Variants in NUDC observed in about 807,000 individuals in gnomAD.
The protein encoded by NUDC is nuclear migration protein nudC.
A neutral mutation model predicts 45.0 loss-of-function variants in NUDC; 14 were observed. That is an observed-to-expected ratio of 0.31 (90% CI 0.21 to 0.49). NUDC has a LOEUF of 0.49. Ranked by LOEUF, NUDC falls within the 20% of genes least tolerant of loss-of-function variation. NUDC has a pLI of 0.99. For synonymous variants in NUDC, 153 were observed against 156.7 expected, an observed-to-expected ratio of 0.98 and a Z score of 0.17; for missense variants, 323 against 426.2, an observed-to-expected ratio of 0.76 and a Z score of 2.13.
At chr1:26,917,466 G>A (rs2082067636), upstream of NUDC, among the ~76,000 whole-genome samples, 1 of 152,122 alleles carries the variant, frequency 6.6e-6, no homozygotes, top group East Asian at 1.9e-4. Context: ...GGAGGCTGAG[G>A]TAGGAGAATC....
intron 2 of NUDC, among the ~76,000 whole-genome samples, chr1:26,936,166 T>TATATATATATATG (rs1491359477): frequency 5.4e-4 from 1 of 1,838 alleles, no homozygotes; most frequent in African/African-American, 1.8e-3. Context: ...TATATATATA[T>TATATATATATATG]TTTTTTTTTT....
At chr1:26,932,381 A>G (rs779889158) in intron 2 of NUDC, among the ~76,000 whole-genome samples, 3 of 151,888 alleles carry the variant, frequency 2.0e-5, no homozygotes, top group Non-Finnish European at 4.4e-5. Flanking sequence ...AAGTTTCACC[A>G]TGTCAGTCAA....
intron 2 of NUDC, among the ~76,000 whole-genome samples, chr1:26,928,377 G>A (rs1347046086): frequency 1.3e-5 from 2 of 152,106 alleles, no homozygotes; most frequent in Non-Finnish European, 2.9e-5. Context: ...TTAGAAAACT[G>A]GAAGCTATAA....
chr1:26,933,075 A>G (rs2082196605), intron 2 of NUDC, among the ~76,000 whole-genome samples: 1 of 151,752 alleles, frequency 6.6e-6, no homozygotes, highest in African/African-American at 2.4e-5. Context: ...ACCTGGGACT[A>G]CAGGCACACG....
chr1:26,930,914 G>A lies in NUDC; in HGVS notation c.159+6748G>A, dbSNP rs568713052. ...GCCTGTAATCCCAGCTACTCGAGAAGCTGAGGTGGGAGAATTGCTTGAACC... is the reference window on the plus strand; with the variant it reads ...GCCTGTAATCCCAGCTACTCGAGAAACTGAGGTGGGAGAATTGCTTGAACC... On this transcript the variant is annotated intron_variant, in intron 2 of 8. Transcript: ENST00000321265. 2.6e-5 allele frequency among the ~76,000 whole-genome samples: 4 copies of A among 151,828 alleles called. No individual in the cohort carries two copies. The East Asian group carries it at 7.9e-4, about 30-fold the overall frequency.
intron 2 of NUDC, among the ~76,000 whole-genome samples, chr1:26,927,428 T>G (rs1230526405): frequency 1.3e-5 from 2 of 150,678 alleles, no homozygotes; most frequent in Admixed American, 6.6e-5. Context: ...GACGGAGTCT[T>G]GCTCTATGAC....
At chr1:26,936,898 G>A (rs926914550) in intron 2 of NUDC, among the ~76,000 whole-genome samples, 4 of 151,656 alleles carry the variant, frequency 2.6e-5, no homozygotes, top group African/African-American at 4.8e-5. Flanking sequence ...AATTCTGACC[G>A]TAACTACCCA....
Position 26,934,702 on chromosome 1 carries a change from C to T in NUDC, c.160-6755C>T, listed in dbSNP as rs367833599. 2.2e-4 allele frequency among the ~76,000 whole-genome samples: 33 copies of T among 151,670 alleles called. No homozygotes were observed. In the East Asian group the frequency reaches 5.6e-3, roughly 26 times the overall value. ...TGAGATGGAGTCTCGCTCTGTCGCCCGGGCTGGAGTGCAGTGGTGCAATCT... is the reference window on the plus strand; with the variant it reads ...TGAGATGGAGTCTCGCTCTGTCGCCTGGGCTGGAGTGCAGTGGTGCAATCT... On this transcript the variant is annotated intron_variant, in intron 2 of 8. Coordinates refer to ENST00000321265, the MANE Select transcript of NUDC (RefSeq NM_006600.4).
At chr1:26,940,532 G>C (rs2082268008) in intron 2 of NUDC, among the ~76,000 whole-genome samples, 1 of 152,034 alleles carries the variant, frequency 6.6e-6, no homozygotes, top group African/African-American at 2.4e-5. Flanking sequence ...TGTCCTTTTT[G>C]GGTGTGGTGT....
intron 4 of NUDC, 43 bp from the exon 5 acceptor site, chr1:26,942,617 T>C: frequency 1.2e-6 from 2 of 1,612,976 alleles, no homozygotes; most frequent in Non-Finnish European, 1.7e-6. Context: ...AATCTGTGTC[T>C]TGTCTGTCAA....
At chr1:26,936,134 A>AACATATATATATATATATATATATAT (rs1553163907) in intron 2 of NUDC, among the ~76,000 whole-genome samples, 8 of 6,812 alleles carry the variant, frequency 1.2e-3, no homozygotes, top group Non-Finnish European at 2.0e-3. Flanking sequence ...ACGCCCGGCT[A>AACATATATATATATATATATATATAT]ATATATATAT....
intron 2 of NUDC, among the ~76,000 whole-genome samples, chr1:26,932,655 G>C (rs2082193243): frequency 6.6e-6 from 1 of 152,068 alleles, no homozygotes; most frequent in Non-Finnish European, 1.5e-5. Context: ...CAGTTCAGTA[G>C]TGTTAAGTGA....
intron 4 of NUDC, 138 bp downstream of exon 4, chr1:26,941,956 T>C: frequency 3.5e-6 from 3 of 855,096 alleles, no homozygotes; most frequent in Non-Finnish European, 5.8e-6. Flanking sequence ...CCCCATACTT[T>C]AAGATCACAC....
intron 2 of NUDC, among the ~76,000 whole-genome samples, chr1:26,906,141 G>A (rs1011993077): frequency 6.6e-6 from 1 of 152,198 alleles, no homozygotes. Flanking sequence ...TTAGCAGGGC[G>A]TGGTGGCGCA....
upstream of NUDC, chr1:26,921,636 G>A: frequency 1.7e-6 from 1 of 595,232 alleles, no homozygotes; most frequent in Non-Finnish European, 3.0e-6. Context: ...TCGGCGAAGC[G>A]GGTTGCTTGC....
intron 1 of NUDC, among the ~76,000 whole-genome samples, chr1:26,901,714 C>T (rs1006591259): frequency 1.3e-5 from 2 of 151,984 alleles, no homozygotes; most frequent in African/African-American, 2.4e-5. Context: ...CCTCTTTGTA[C>T]GTTTTTTAAT....
chr1:26,913,593 G>C, intron 3 of NUDC: 1 of 1,614,084 alleles, frequency 6.2e-7, no homozygotes, highest in Non-Finnish European at 8.5e-7. Context: ...TCTTGAGTAT[G>C]CTGGGCACCG....
intron 6 of NUDC, among the ~76,000 whole-genome samples, chr1:26,943,319 C>T (rs773822440): frequency 1.3e-5 from 2 of 152,128 alleles, no homozygotes; most frequent in African/African-American, 2.4e-5. Context: ...GCAATTCTCT[C>T]GCCTCGTCCT....
chr1:26,929,103 A>G (rs1261032320), intron 2 of NUDC, among the ~76,000 whole-genome samples: 1 of 152,250 alleles, frequency 6.6e-6, no homozygotes, highest in Admixed American at 6.5e-5. Context: ...AATCCTGTCC[A>G]TTGCTACATG....
Sources: allele counts gnomAD v4.1 joint callset (sites outside exome capture counted in the v4.1 genomes callset), GRCh38; gene constraint gnomAD v4.1.1; transcripts MANE v1.5; gene names NCBI Gene and HGNC (gene_info 2026-07-23, HGNC 2026-07-21).